The following DIAPH1 variants were observed in gnomAD, a reference collection of about 807,000 sequenced individuals.
DIAPH1 encodes diaphanous related formin 1.
Under a neutral mutation model 140.7 loss-of-function variants are expected in DIAPH1, and 46 were observed. That is an observed-to-expected ratio of 0.33 (90% confidence interval 0.26 to 0.42). DIAPH1 has a LOEUF of 0.42. DIAPH1 is among the 10% of genes least tolerant of loss of function. DIAPH1 has a pLI of 1.00. For synonymous variants in DIAPH1, 565 were observed against 551.6 expected (o/e 1.02, Z -0.34); for missense variants, 1,310 against 1,558.7 (o/e 0.84, Z 2.69).
rs1333199863 is a variant in DIAPH1 at position 141,580,819 on chromosome 5, G to T, written c.749C>A (p.Pro250His). 1 of 1,614,180 alleles carries T rather than the reference G, an allele frequency of 6.2e-7. No homozygotes were observed. Among genetic ancestry groups the T allele is most frequent in the African/African-American group, 1.3e-5 (1 of 75,054 alleles). Reference protein sequence around the residue: ...GILLLVRAMDPAVPNMMIDAA... With the variant: ...GILLLVRAMDHAVPNMMIDAA... ...ATCAATCATCATGTTGGGAACAGCA[G>T]GATCCATGGCTCTGACCAGCAGTAG... Residue 250 changes from proline (P) to histidine (H), a missense_variant, in exon 8 of 28, where the codon CCT (proline) becomes CAT (histidine). Pro to His is a moderately conservative substitution (Grantham distance 77). This residue lies in a region of DIAPH1 where 377 missense variants were observed against 497.1 expected (regional missense o/e 0.76). Transcript: ENST00000389054.
At position 141,578,540 on chromosome 5, in the gene DIAPH1, C is replaced by T. The variant is rs751381728; in HGVS notation, c.1019G>A (p.Arg340His). The change falls in exon 10 of 28, where the codon CGT becomes CAT. Residue 340 changes from arginine (R) to histidine (H), a missense_variant. Coordinates refer to ENST00000389054, the MANE Select transcript of DIAPH1 (RefSeq NM_005219.5). ...CTGCAACACCTGATGTAGCCCCAAACGCATCAGTTCACTTCTGATGTGAAC... is the reference window on the plus strand; with the variant it reads ...CTGCAACACCTGATGTAGCCCCAAATGCATCAGTTCACTTCTGATGTGAAC... ...FRVHIRSELM[R>H]LGLHQVLQDL... 2.1e-5 allele frequency: 34 copies of T among 1,613,812 alleles called. No individual in the cohort carries two copies. Among genetic ancestry groups the T allele is most frequent in the South Asian group, 9.9e-5 (9 of 91,074 alleles).
At chr5:141,533,212 G>A (rs1562288190) in intron 19 of DIAPH1, among the ~76,000 whole-genome samples, 1 of 152,160 alleles carries the variant, frequency 6.6e-6, no homozygotes, top group South Asian at 2.1e-4. Flanking sequence ...TGGAACACAT[G>A]CCTAATAGAG....
rs1022925512 is a variant in DIAPH1, at chr5:141,522,208, T to C, written c.3661+1935A>G. On this transcript the variant is annotated intron_variant, in intron 27 of 27. Coordinates refer to ENST00000389054, the MANE Select transcript of DIAPH1 (RefSeq NM_005219.5). ...AAGTGTATTTAGTGGACCCAGAGCC[T>C]AGAAAGATAAGCTTATAGGCTAGAG... is the stretch of plus-strand genomic sequence containing the variant. 3.3e-5 allele frequency among the ~76,000 whole-genome samples: 5 copies of C among 152,360 alleles called. No homozygotes were observed. The South Asian group carries it at 1.0e-3, about 32-fold the overall frequency.
At chr5:141,520,100 C>T (rs1214692865) in intron 27 of DIAPH1, among the ~76,000 whole-genome samples, 1 of 152,180 alleles carries the variant, frequency 6.6e-6, no homozygotes, top group Non-Finnish European at 1.5e-5. Flanking sequence ...AGGCTAGGAA[C>T]TATTACTAAA....
At chr5:141,542,139 T>C (rs112125893) in intron 18 of DIAPH1, among the ~76,000 whole-genome samples, 123 of 152,230 alleles carry the variant, frequency 8.1e-4, no homozygotes, top group Middle Eastern at 6.8e-3. Context: ...AACGTAGAAA[T>C]AGTCTAACTG....
At chr5:141,560,878 T>C (rs2099893423) in intron 18 of DIAPH1, 1 of 450,784 alleles carries the variant, frequency 2.2e-6, no homozygotes, top group Non-Finnish European at 4.5e-6. Flanking sequence ...TTCGTCATAC[T>C]GCTGTTTTTT....
intron 3 of DIAPH1, 107 bp from the exon 4 acceptor site, chr5:141,584,332 C>CTTAA (rs1323102618): frequency 4.3e-6 from 3 of 693,746 alleles, no homozygotes; most frequent in Non-Finnish European, 7.8e-6. Context: ...ATGTAAAATG[C>CTTAA]TTAAGTAAAT....
intron 23 of DIAPH1, 51 bp downstream of exon 23, chr5:141,528,402 C>T (rs2099887706): frequency 1.9e-6 from 3 of 1,612,854 alleles, no homozygotes; most frequent in Non-Finnish European, 2.5e-6. Context: ...GTCTTATTTC[C>T]CTCCCCATGC....
At chr5:141,614,175 A>G (rs1195157739) in intron 1 of DIAPH1, among the ~76,000 whole-genome samples, 1 of 152,250 alleles carries the variant, frequency 6.6e-6, no homozygotes, top group African/African-American at 2.4e-5. Context: ...TGATTTTTGT[A>G]GCCATAAATA....
chr5:141,563,575 TACTG>T (rs1419771929), intron 18 of DIAPH1: 2 of 152,176 alleles, frequency 1.3e-5, no homozygotes, highest in Non-Finnish European at 2.9e-5. Flanking sequence ...GTTTAAGTAA[TACTG>T]ACCCCCCAAC....
At chr5:141,587,389 T>C (rs2099897699) in intron 2 of DIAPH1, 192 bp from the exon 3 acceptor site, 1 of 624,894 alleles carries the variant, frequency 1.6e-6, no homozygotes, top group Non-Finnish European at 2.8e-6. Flanking sequence ...GACTCTGTAC[T>C]CTCATCTATG....
At position 141,575,002 on chromosome 5, in the gene DIAPH1, C is replaced by T. The variant is rs377104351; in HGVS notation, c.1606G>A (p.Asp536Asn). The T allele has an allele frequency of 2.5e-6, 4 of 1,614,026 alleles. No homozygotes were observed. Among genetic ancestry groups the T allele is most frequent in the African/African-American group, 2.7e-5 (2 of 74,908 alleles). The change falls in exon 15 of 28, where the codon GAC becomes AAC. Residue 536 changes from aspartate (D) to asparagine (N), a missense_variant. By Grantham distance (23) the Asp-to-Asn change is conservative. This residue lies in a region of DIAPH1 where 589 missense variants were observed against 549.3 expected (regional missense o/e 1.07). Transcript: ENST00000389054. ...AGCTGGGACACCTCTGCTTCCAGGT[C>T]CTGTTTCTCTGTGGCAATTTGCTGC... ...EKQQIATEKQDLEAEVSQLTG... is the reference protein window; with the variant it reads ...EKQQIATEKQNLEAEVSQLTG...
rs1233106855 is a variant in DIAPH1 at position 141,573,929 on chromosome 5, G to A, written c.1921C>T (p.Pro641Ser). 6 of 1,552,394 alleles carry A rather than the reference G, an allele frequency of 3.9e-6. No homozygotes were observed. The highest frequency in any genetic ancestry group is 1.4e-5 in the African/African-American group (1 of 72,962). ...PSLPGGTAIS[P>S]PPPLSGDATI... is the part of the protein sequence containing the mutation. ...GCATCCCCAGACAAAGGAGGGGGTG[G>A]AGAGATAGCAGTACCTCCAGGTAAA... The change falls in exon 16 of 28, where the codon CCA (proline) becomes TCA (serine). Residue 641 changes from proline (P) to serine (S), a missense_variant. By Grantham distance (74) the Pro-to-Ser change is moderately conservative (BLOSUM62 -1). Transcript: ENST00000389054.
intron 18 of DIAPH1, among the ~76,000 whole-genome samples, chr5:141,544,263 T>C (rs1235588180): frequency 6.6e-6 from 1 of 151,982 alleles, no homozygotes; most frequent in Admixed American, 6.6e-5. Flanking sequence ...TGAGCTGAGA[T>C]GGCACCACTG....
Position 141,573,803 on chromosome 5 carries a change from C to T in DIAPH1, c.2047G>A (p.Gly683Arg). 6.7e-7 allele frequency: 1 copy of T among 1,482,330 alleles called. No individual in the cohort carries two copies. The highest frequency in any genetic ancestry group is 1.6e-5 in the African/African-American group (1 of 62,456). 91.8% of individuals were successfully genotyped at this position (1,482,330 alleles called of 1,614,324 possible). A position where few individuals can be genotyped will look rare whatever the true frequency, so the allele number is the denominator to read the frequency against. Residue 683 changes from glycine (G) to arginine (R), a missense_variant, in exon 16 of 28, where the codon GGG becomes AGG. Gly to Arg is a moderately radical substitution (Grantham distance 125). This residue lies in a region of DIAPH1 where 589 missense variants were observed against 549.3 expected (regional missense o/e 1.07). Coordinates refer to ENST00000389054, the MANE Select transcript of DIAPH1 (RefSeq NM_005219.5). Reference protein sequence around the residue: ...TAIPPPPPLPGSARIPPPPPP... With the variant: ...TAIPPPPPLPRSARIPPPPPP... ...GGTGGTGGGGGGATTCTAGCACTCC[C>T]AGGCAAAGGAGGAGGTGGGGGGATG...
chr5:141,533,096 G>A (rs2099888484), intron 19 of DIAPH1, among the ~76,000 whole-genome samples: 1 of 152,110 alleles, frequency 6.6e-6, no homozygotes, highest in African/African-American at 2.4e-5. Context: ...GTGTGATCTG[G>A]GCACTTCGCA....
At chr5:141,577,976 G>A in intron 11 of DIAPH1, 1 of 578,720 alleles carries the variant, frequency 1.7e-6, no homozygotes, top group South Asian at 2.0e-5. Flanking sequence ...CACATTCTAG[G>A]AAGTTTACAC....
intron 1 of DIAPH1, among the ~76,000 whole-genome samples, chr5:141,599,573 C>T (rs1002723211): frequency 6.6e-6 from 1 of 152,176 alleles, no homozygotes; most frequent in African/African-American, 2.4e-5. Flanking sequence ...GCCTCAGCCT[C>T]CTGAGTAGCT....
At chr5:141,604,210 T>C (rs185331631) in intron 1 of DIAPH1, among the ~76,000 whole-genome samples, 17 of 152,366 alleles carry the variant, frequency 1.1e-4, no homozygotes, top group Non-Finnish European at 1.8e-4. Flanking sequence ...TGTCATTTGG[T>C]GACAGAACAG....
Sources: gnomAD v4.1 joint callset for allele counts (sites outside exome capture counted in the v4.1 genomes callset) on GRCh38, gnomAD v4.1.1 for gene constraint, gnomAD v4.1.1 regional missense constraint, MANE v1.5 for transcripts, NCBI Gene and HGNC (gene_info 2026-07-23, HGNC 2026-07-21) for gene names.